Variants in C1orf198 observed in about 807,000 individuals in gnomAD.
C1orf198 encodes chromosome 1 open reading frame 198, also known as uncharacterized protein C1orf198.
C1orf198 carries 17 observed loss-of-function variants against 31.4 expected under a neutral mutation model. The ratio of observed to expected loss-of-function variants is 0.54; its 90% CI spans 0.37 to 0.81. The LOEUF is 0.81. Ranked by LOEUF, C1orf198 falls within the 40% of genes least tolerant of loss-of-function variation. The pLI is 0.00. For missense variants in C1orf198, 401 were observed against 450.3 expected (o/e 0.89, Z 0.99); for synonymous variants, 175 against 193.8 (o/e 0.90, Z 0.81).
At chr1:230,868,653 A>C (rs1572143509), upstream of C1orf198, 1 of 571,016 alleles carries the variant, frequency 1.8e-6, no homozygotes, top group East Asian at 1.3e-4. Flanking sequence ...AAGCCAACCC[A>C]GCTCCCCAAG....
chr1:230,867,709 T>G (rs756587776), intron 1 of C1orf198, among the ~76,000 whole-genome samples: 6 of 152,200 alleles, frequency 3.9e-5, no homozygotes, highest in Non-Finnish European at 5.9e-5. Flanking sequence ...TATCATTTGC[T>G]CAGTCCCTTC....
chr1:230,853,799 T>G (rs1488837455), intron 2 of C1orf198, among the ~76,000 whole-genome samples: 1 of 152,216 alleles, frequency 6.6e-6, no homozygotes, highest in African/African-American at 2.4e-5. Context: ...CAACTTACAC[T>G]GGTTCCTAAG....
rs111322053 is a variant in C1orf198 at position 230,839,947 on chromosome 1, CT to C, written c.928-40del. 5.1e-6 allele frequency: 8 copies of C among 1,554,664 alleles called. No individual in the cohort carries two copies. The Admixed American group carries it at 5.8e-5, about 11-fold the overall frequency. On this transcript the variant is annotated intron_variant, in intron 3 of 3. Transcript: ENST00000366663. The stretch of plus-strand genomic sequence containing the variant: ...AAAAACATGGAAGTAAGACGAGCCT[CT>C]TTTTTTCAGTTACGTATAATCTAAA...
chr1:230,861,895 C>T (rs1260090323), intron 1 of C1orf198, among the ~76,000 whole-genome samples: 3 of 152,250 alleles, frequency 2.0e-5, no homozygotes, highest in Non-Finnish European at 4.4e-5. Flanking sequence ...TGGTCATCGT[C>T]TTCCTGAAAT....
chr1:230,868,412 G>T lies in C1orf198; in HGVS notation c.101C>A (p.Ser34Ter). Reference protein sequence around the residue: ...DRERKRFTYFSSLSPMARKIM... With the variant: ...DRERKRFTYF ...CTTCCTGGCCATGGGGCTCAGCGAC[G>T]AGAAGTAAGTGAAGCGCTTTCGCTC... The change falls in exon 1 of 4, where the codon TCG becomes TAG. Residue 34 changes from serine (S) to a stop codon, truncating the protein, a stop_gained. Coordinates refer to ENST00000366663, the MANE Select transcript of C1orf198 (RefSeq NM_032800.3). LOFTEE classifies it high-confidence loss of function. The T allele has an allele frequency of 6.3e-7, 1 of 1,592,984 alleles. No homozygotes were observed. Among genetic ancestry groups the T allele is most frequent in the Non-Finnish European group, 8.5e-7 (1 of 1,170,280 alleles).
intron 1 of C1orf198, among the ~76,000 whole-genome samples, chr1:230,861,129 G>A (rs1056582940): frequency 6.6e-6 from 1 of 152,202 alleles, no homozygotes; most frequent in African/African-American, 2.4e-5. Flanking sequence ...GATCCCCTCT[G>A]TATGATACCA....
At position 230,839,897 on chromosome 1, in the gene C1orf198, A is replaced by G; in HGVS notation, c.939T>C (p.Ser313=). ...CAAATCCCGTCTTCAAGACGACATTACTTGAGCTGACCTGTAGAAGGGACA... is the reference window on the plus strand; with the variant it reads ...CAAATCCCGTCTTCAAGACGACATTGCTTGAGCTGACCTGTAGAAGGGACA... ...SEPKFAQVSS[S]NVVLKTGFDF... Residue 313 remains serine (S), a synonymous_variant, in exon 4 of 4, where the codon AGT becomes AGC. Coordinates refer to ENST00000366663, the MANE Select transcript of C1orf198 (RefSeq NM_032800.3). The G allele has an allele frequency of 6.2e-7, 1 of 1,610,914 alleles. No individual in the cohort carries two copies. The highest frequency in any genetic ancestry group is 8.5e-7 in the Non-Finnish European group (1 of 1,179,282).
chr1:230,862,920 G>A (rs995411262), intron 1 of C1orf198, among the ~76,000 whole-genome samples: 1 of 152,142 alleles, frequency 6.6e-6, no homozygotes, highest in African/African-American at 2.4e-5. Flanking sequence ...CTGTAGCGTG[G>A]GAGCCAGAGA....
intron 2 of C1orf198, among the ~76,000 whole-genome samples, chr1:230,852,565 GTAA>G (rs1049031386): frequency 1.7e-4 from 26 of 152,074 alleles, no homozygotes; most frequent in African/African-American, 5.6e-4. Flanking sequence ...CAATTAAAAA[GTAA>G]TAATTTTTAA....
In C1orf198 at chr1:230,837,986, CT is replaced by C. The variant is rs1035586105; in HGVS notation, c.*1865del. ...TTGGCCTACTCTCTAGGACACAGGT[CT>C]TTCTTCTGTGCTACACCAACACTAC... On this transcript the variant is annotated 3_prime_UTR_variant, in exon 4 of 4. Transcript: ENST00000366663. 23 of 152,324 alleles carry C rather than the reference CT, an allele frequency of 1.5e-4. No individual in the cohort carries two copies. The highest frequency in any genetic ancestry group is 4.8e-4 in the African/African-American group (20 of 41,570). 9.4% of individuals were successfully genotyped at this position (152,324 alleles called of 1,614,324 possible). A position where few individuals can be genotyped will look rare whatever the true frequency, so the allele number is the denominator to read the frequency against.
At position 230,843,509 on chromosome 1, in the gene C1orf198, C is replaced by G; in HGVS notation, c.772G>C (p.Val258Leu). Residue 258 changes from valine to leucine, a missense_variant, in exon 3 of 4, where the codon GTG becomes CTG. Physicochemically the swap from Val to Leu is conservative, Grantham distance 32. Coordinates refer to ENST00000366663, the MANE Select transcript of C1orf198 (RefSeq NM_032800.3). This position sits in a 1 kb window ranked among gnomAD's most constrained non-coding sequence, Gnocchi z 4.9. ...LRQEQRPLPN[V>L]STERERPQPV... ...TGGGGTCTCTCACGTTCGGTGCTCACGTTGGGAAGAGGACGCTGCTCCTGA... is the reference window on the plus strand; with the variant it reads ...TGGGGTCTCTCACGTTCGGTGCTCAGGTTGGGAAGAGGACGCTGCTCCTGA... The G allele has an allele frequency of 1.2e-6, 2 of 1,612,130 alleles. No homozygotes were observed. Among genetic ancestry groups the G allele is most frequent in the Non-Finnish European group, 8.5e-7 (1 of 1,178,850 alleles).
At position 230,845,216 on chromosome 1, in the gene C1orf198, T is replaced by TAAAAAAAAAAAAAAAAAAAAA. The variant is rs11355270; in HGVS notation, c.385-1321_385-1320insTTTTTTTTTTTTTTTTTTTTT. On this transcript the variant is annotated intron_variant, in intron 2 of 3. Coordinates refer to ENST00000366663, the MANE Select transcript of C1orf198 (RefSeq NM_032800.3). ...CTTCTCTACTAAAAATTAAAAAAATTAAAAAAAAAAAAAAAAAAGGCCAGG... is the reference window on the plus strand; with the variant it reads ...CTTCTCTACTAAAAATTAAAAAAATTAAAAAAAAAAAAAAAAAAAAAAAAAAAAAAAAAAAAAAAGGCCAGG... Among the ~76,000 whole-genome samples, 5 of 117,084 alleles carry TAAAAAAAAAAAAAAAAAAAAA rather than the reference T, an allele frequency of 4.3e-5. No homozygotes were observed. The East Asian group carries it at 1.1e-3, about 26-fold the overall frequency. 76.8% of individuals were successfully genotyped at this position (117,084 alleles called of 152,430 possible).
intron 2 of C1orf198, among the ~76,000 whole-genome samples, chr1:230,850,760 T>C (rs946953982): frequency 2.0e-5 from 3 of 151,640 alleles, no homozygotes; most frequent in African/African-American, 4.9e-5. Context: ...TGCGGGTGGG[T>C]GGATGCAGCC....
At chr1:230,847,631 T>C (rs1213252599) in intron 2 of C1orf198, among the ~76,000 whole-genome samples, 2 of 152,190 alleles carry the variant, frequency 1.3e-5, no homozygotes, top group Admixed American at 1.3e-4. Flanking sequence ...TATGTATGTG[T>C]GTGATCTAAT....
At chr1:230,869,425 G>GA (rs1434211034), upstream of C1orf198, 4 of 152,054 alleles carry the variant, frequency 2.6e-5, no homozygotes, top group African/African-American at 9.7e-5. Context: ...AAATTATAGC[G>GA]AGCCCCCACT....
At chr1:230,858,261 AC>A (rs1669924401) in intron 1 of C1orf198, among the ~76,000 whole-genome samples, 2 of 152,198 alleles carry the variant, frequency 1.3e-5, no homozygotes, top group South Asian at 4.2e-4. Context: ...AATCCTCAGA[AC>A]CCTCTGAGTT....
At chr1:230,856,797 C>CA (rs1417329521) in intron 1 of C1orf198, among the ~76,000 whole-genome samples, 1 of 152,164 alleles carries the variant, frequency 6.6e-6, no homozygotes, top group African/African-American at 2.4e-5. Flanking sequence ...CATATCTCCC[C>CA]AAAACTCCAG....
At chr1:230,856,509 C>A (rs1027783742) in intron 1 of C1orf198, among the ~76,000 whole-genome samples, 1 of 152,190 alleles carries the variant, frequency 6.6e-6, no homozygotes, top group African/African-American at 2.4e-5. Flanking sequence ...TATTCCTGTG[C>A]TAGCAAATGT....
chr1:230,851,963 C>T (rs1669758199), intron 2 of C1orf198, among the ~76,000 whole-genome samples: 1 of 152,184 alleles, frequency 6.6e-6, no homozygotes, highest in South Asian at 2.1e-4. Context: ...ACCAAAAATC[C>T]CTGCGATTCT....
Sources: allele counts gnomAD v4.1 joint callset (sites outside exome capture counted in the v4.1 genomes callset), GRCh38; gene constraint gnomAD v4.1.1; non-coding constraint Gnocchi (gnomAD v3.1); transcripts MANE v1.5; gene names NCBI Gene and HGNC (gene_info 2026-07-23, HGNC 2026-07-21).